Variants in RALYL observed in about 807,000 individuals in gnomAD.
RALYL encodes RNA-binding Raly-like protein.
Under a neutral mutation model 35.1 loss-of-function variants are expected in RALYL, and 29 were observed. The ratio of observed to expected loss-of-function variants is 0.83; its 90% CI spans 0.61 to 1.13. The LOEUF (loss-of-function observed/expected upper bound fraction) is 1.13. RALYL is among the 50% of genes most tolerant of loss of function. RALYL has a pLI of 0.00. For synonymous variants in RALYL, 120 were observed against 127.6 expected (o/e 0.94, Z 0.40); for missense variants, 359 against 360.4 (o/e 1.00, Z 0.03).
At chr8:84,727,922 T>C (rs974679222) in intron 2 of RALYL, among the ~76,000 whole-genome samples, 7 of 152,080 alleles carry the variant, frequency 4.6e-5, no homozygotes, top group South Asian at 2.1e-4. Flanking sequence ...TGAATAGTGC[T>C]GCAATAAACA....
intron 6 of RALYL, among the ~76,000 whole-genome samples, chr8:84,871,283 T>C (rs1330582255): frequency 6.6e-6 from 1 of 152,130 alleles, no homozygotes; most frequent in Non-Finnish European, 1.5e-5. Flanking sequence ...CTAATGTAGT[T>C]TCAATAAAGT....
intron 3 of RALYL, among the ~76,000 whole-genome samples, chr8:84,787,184 G>A (rs1231802034): frequency 7.7e-5 from 8 of 103,488 alleles, no homozygotes; most frequent in Admixed American, 6.3e-4. Context: ...AACAGACCCC[G>A]GCGTGTGATG....
At chr8:84,592,483 A>G (rs1813519564) in intron 2 of RALYL, among the ~76,000 whole-genome samples, 1 of 152,116 alleles carries the variant, frequency 6.6e-6, no homozygotes, top group Non-Finnish European at 1.5e-5. Context: ...ATATAGTTTA[A>G]ATTTCCTTAA....
chr8:84,873,583 A>G (rs1384841601), intron 7 of RALYL, among the ~76,000 whole-genome samples, 186 bp downstream of exon 7: 2 of 152,180 alleles, frequency 1.3e-5, no homozygotes, highest in African/African-American at 4.8e-5. Context: ...AGAGAACATG[A>G]ACTAATTTTT....
At chr8:84,898,483 A>G (rs1449123156) in intron 8 of RALYL, among the ~76,000 whole-genome samples, 6 of 152,228 alleles carry the variant, frequency 3.9e-5, no homozygotes, top group Non-Finnish European at 7.3e-5. Context: ...GCTGAGAACC[A>G]CTGGGATAGA....
At position 84,690,054 on chromosome 8, in the gene RALYL, G is replaced by C. The variant is rs1589030382; in HGVS notation, c.257-84525G>C. On this transcript the variant is annotated intron_variant, in intron 2 of 8. Coordinates refer to ENST00000521268, the MANE Select transcript of RALYL (RefSeq NM_173848.7). ...TGTATATTGAAAGGAAATGAAATCAGTATGTGGAAATATCATCACTCCTCT... is the reference window on the plus strand; with the variant it reads ...TGTATATTGAAAGGAAATGAAATCACTATGTGGAAATATCATCACTCCTCT... Among the ~76,000 whole-genome samples, 5 of 152,210 alleles carry C rather than the reference G, an allele frequency of 3.3e-5. No individual in the cohort carries two copies. The East Asian group carries it at 9.7e-4, about 29-fold the overall frequency.
chr8:84,765,829 C>A (rs1296890347), intron 2 of RALYL, among the ~76,000 whole-genome samples: 2 of 140,244 alleles, frequency 1.4e-5, no homozygotes, highest in Non-Finnish European at 3.2e-5. Context: ...TCTATTTAAA[C>A]CTGATGAGGA....
chr8:84,435,127 A>G (rs538857930), intron 1 of RALYL, among the ~76,000 whole-genome samples: 42 of 152,284 alleles, frequency 2.8e-4, no homozygotes, highest in Non-Finnish European at 5.0e-4. Flanking sequence ...AAAAACAGCT[A>G]CTAGGGAAAA....
intron 2 of RALYL, among the ~76,000 whole-genome samples, chr8:84,635,144 A>G (rs1227216290): frequency 3.3e-5 from 5 of 151,748 alleles, no homozygotes; most frequent in African/African-American, 1.2e-4. Context: ...GTAGCAGGCT[A>G]AGTACTTTAC....
intron 2 of RALYL, among the ~76,000 whole-genome samples, chr8:84,573,270 G>C (rs1180777854): frequency 6.6e-6 from 1 of 151,536 alleles, no homozygotes; most frequent in East Asian, 1.9e-4. Context: ...ACACCTTGCA[G>C]ATCTAGCAGC....
In RALYL at chr8:84,696,438, G is replaced by A. The variant is rs117995405; in HGVS notation, c.257-78141G>A. ...TTTGTTATACTATTTTCCTACAAAC[G>A]TTTCTTTAAATGGTCTTAGAAGCTG... On this transcript the variant is annotated intron_variant, in intron 2 of 8. Coordinates refer to ENST00000521268, the MANE Select transcript of RALYL (RefSeq NM_173848.7). 5.4e-3 allele frequency among the ~76,000 whole-genome samples: 826 copies of A among 151,806 alleles called. 2 individuals carry two copies. The highest frequency in any genetic ancestry group is 1.0e-2 in the Non-Finnish European group (677 of 67,828).
intron 2 of RALYL, among the ~76,000 whole-genome samples, chr8:84,754,123 C>T (rs1023507423): frequency 6.6e-6 from 1 of 151,922 alleles, no homozygotes; most frequent in Non-Finnish European, 1.5e-5. Context: ...TCTTTTGCTG[C>T]ACAGAAGCTC....
At chr8:84,904,365 A>G (rs1354537181) in intron 8 of RALYL, among the ~76,000 whole-genome samples, 2 of 152,190 alleles carry the variant, frequency 1.3e-5, no homozygotes, top group African/African-American at 4.8e-5. Context: ...TGTGCTTTCT[A>G]AATTTCTAGG....
intron 5 of RALYL, among the ~76,000 whole-genome samples, chr8:84,860,168 T>A (rs1837833173): frequency 6.6e-6 from 1 of 152,202 alleles, no homozygotes; most frequent in Admixed American, 6.5e-5. Context: ...GCAATTAAAG[T>A]AGCAGTGAAT....
intron 2 of RALYL, among the ~76,000 whole-genome samples, chr8:84,604,354 T>C (rs1052939409): frequency 6.6e-6 from 1 of 151,932 alleles, no homozygotes; most frequent in African/African-American, 2.4e-5. Flanking sequence ...CACTTTTATC[T>C]TAAGCCTTTG....
chr8:84,535,220 A>G (rs1050632493), intron 2 of RALYL, among the ~76,000 whole-genome samples: 1 of 152,210 alleles, frequency 6.6e-6, no homozygotes, highest in Non-Finnish European at 1.5e-5. Context: ...CTTAGTCTAT[A>G]TCACACAAAT....
At chr8:84,777,246 C>T (rs1161557388) in intron 3 of RALYL, among the ~76,000 whole-genome samples, 5 of 152,302 alleles carry the variant, frequency 3.3e-5, no homozygotes, top group South Asian at 2.1e-4. Context: ...ATTCTCACCA[C>T]TAGATTATAG....
At position 84,749,542 on chromosome 8, in the gene RALYL, T is replaced by C. The variant is rs1453727530; in HGVS notation, c.257-25037T>C. ...TAAACCTAAACATCATAGACAAGGGTTCCTCGCCAAGAAGTCAGGAACAAG... is the reference window on the plus strand; with the variant it reads ...TAAACCTAAACATCATAGACAAGGGCTCCTCGCCAAGAAGTCAGGAACAAG... On this transcript the variant is annotated intron_variant, in intron 2 of 8. Coordinates refer to ENST00000521268, the MANE Select transcript of RALYL (RefSeq NM_173848.7). Among the ~76,000 whole-genome samples the C allele has an allele frequency of 2.0e-5, 3 of 151,460 alleles. No homozygotes were observed. In the East Asian group the frequency reaches 5.8e-4, roughly 29 times the overall value.
At chr8:84,871,357 C>T (rs1840157978) in intron 6 of RALYL, among the ~76,000 whole-genome samples, 1 of 152,138 alleles carries the variant, frequency 6.6e-6, no homozygotes, top group South Asian at 2.1e-4. Context: ...TAGTCAACTG[C>T]ATTCCTGGGC....
Sources: allele counts gnomAD v4.1 joint callset (sites outside exome capture counted in the v4.1 genomes callset), GRCh38; gene constraint gnomAD v4.1.1; transcripts MANE v1.5; gene names NCBI Gene and HGNC (gene_info 2026-07-23, HGNC 2026-07-21).